The following FSTL5 variants were observed in gnomAD, a reference collection of about 807,000 sequenced individuals.
The protein encoded by FSTL5 is follistatin-related protein 5.
Under a neutral mutation model 89.1 loss-of-function variants are expected in FSTL5, and 62 were observed. The ratio of observed to expected loss-of-function variants is 0.70; its 90% CI spans 0.57 to 0.86. The LOEUF is 0.86. Among genes scored for constraint, FSTL5 ranks in the 40% least tolerant of loss-of-function variants. FSTL5 has a pLI of 0.00. For synonymous variants in FSTL5, 383 were observed against 346.2 expected (o/e 1.11, Z -1.18); for missense variants, 1,057 against 1,001.6 (o/e 1.06, Z -0.75).
At chr4:161,963,088 A>G (rs1040121843) in intron 3 of FSTL5, among the ~76,000 whole-genome samples, 4 of 151,980 alleles carry the variant, frequency 2.6e-5, no homozygotes, top group African/African-American at 9.7e-5. Flanking sequence ...GATTTGCTAT[A>G]AATTTAAATA....
chr4:161,768,948 C>A (rs1741111670), intron 5 of FSTL5, among the ~76,000 whole-genome samples: 1 of 151,472 alleles, frequency 6.6e-6, no homozygotes, highest in Non-Finnish European at 1.5e-5. Context: ...AACCTTTAGC[C>A]AGATTAAGGT....
intron 15 of FSTL5, among the ~76,000 whole-genome samples, chr4:161,396,817 G>A (rs901642151): frequency 6.6e-6 from 1 of 151,712 alleles, no homozygotes; most frequent in Admixed American, 6.6e-5. Context: ...CTTTAAACAT[G>A]AGAGTTGTTG....
intron 15 of FSTL5, among the ~76,000 whole-genome samples, chr4:161,430,243 T>C (rs1732311363): frequency 6.6e-6 from 1 of 151,942 alleles, no homozygotes; most frequent in African/African-American, 2.4e-5. Context: ...CTACGAGATC[T>C]AGGAAATATC....
rs572076479 is a variant in FSTL5, at chr4:161,945,036, A to G, written c.161-24384T>C. Reference sequence around the variant, plus strand: ...ATACATGACAGCAGAAGATTCATACAGTAAGTGTTTTATTATCTCAGGTAG... The same window carrying G: ...ATACATGACAGCAGAAGATTCATACGGTAAGTGTTTTATTATCTCAGGTAG... On this transcript the variant is annotated intron_variant, in intron 3 of 15. Transcript: ENST00000306100. 1.4e-4 allele frequency among the ~76,000 whole-genome samples: 22 copies of G among 152,248 alleles called. 1 individual carries two copies. The South Asian group carries it at 4.6e-3, about 32-fold the overall frequency.
intron 1 of FSTL5, among the ~76,000 whole-genome samples, chr4:162,136,164 GAAAT>G (rs1387408685): frequency 3.3e-5 from 5 of 151,810 alleles, no homozygotes; most frequent in African/African-American, 7.3e-5. Context: ...CCCCCAGCAA[GAAAT>G]AAATAAAAAT....
At chr4:161,737,284 AG>A (rs906976167) in intron 6 of FSTL5, among the ~76,000 whole-genome samples, 41 of 152,172 alleles carry the variant, frequency 2.7e-4, no homozygotes, top group African/African-American at 8.4e-4. Flanking sequence ...TGGAGAGGAA[AG>A]GGAAATAAAA....
intron 4 of FSTL5, among the ~76,000 whole-genome samples, chr4:161,883,096 A>G (rs1197305725): frequency 6.6e-6 from 1 of 152,196 alleles, no homozygotes; most frequent in East Asian, 1.9e-4. Context: ...ACCATATAGT[A>G]TTCTGGGAAG....
At chr4:161,767,408 C>A (rs716917) in intron 5 of FSTL5, among the ~76,000 whole-genome samples, 1 of 151,918 alleles carries the variant, frequency 6.6e-6, no homozygotes, top group Admixed American at 6.6e-5. Context: ...ACACGTTTGT[C>A]GAGGCTTTTC....
At chr4:161,650,962 C>G (rs1235103822) in intron 7 of FSTL5, among the ~76,000 whole-genome samples, 1 of 152,148 alleles carries the variant, frequency 6.6e-6, no homozygotes, top group South Asian at 2.1e-4. Flanking sequence ...TTCTCGGTCA[C>G]GTTAACACAT....
chr4:161,409,772 A>C (rs141942001), intron 15 of FSTL5, among the ~76,000 whole-genome samples: 1 of 152,238 alleles, frequency 6.6e-6, no homozygotes, highest in African/African-American at 2.4e-5. Flanking sequence ...CCACAAAAGC[A>C]CACATGAACA....
intron 4 of FSTL5, among the ~76,000 whole-genome samples, chr4:161,854,869 A>G (rs1344817288): frequency 6.6e-6 from 1 of 152,020 alleles, no homozygotes; most frequent in Non-Finnish European, 1.5e-5. Context: ...CCCAAATTAA[A>G]AAGATTTTAA....
intron 8 of FSTL5, among the ~76,000 whole-genome samples, chr4:161,559,283 T>C (rs1329856604): frequency 6.6e-6 from 1 of 151,832 alleles, no homozygotes; most frequent in African/African-American, 2.4e-5. Flanking sequence ...ACTCTTAACT[T>C]TCTGATGACT....
intron 7 of FSTL5, among the ~76,000 whole-genome samples, chr4:161,653,323 T>C (rs1282214209): frequency 2.0e-5 from 3 of 152,148 alleles, no homozygotes; most frequent in East Asian, 1.9e-4. Context: ...TTGAAAATAG[T>C]ATCCTCTGTC....
At chr4:161,783,434 G>A (rs1252734742) in intron 4 of FSTL5, among the ~76,000 whole-genome samples, 5 of 151,702 alleles carry the variant, frequency 3.3e-5, no homozygotes, top group South Asian at 2.1e-4. Flanking sequence ...AAGGCCTTCC[G>A]TCTTCTCACA....
chr4:161,981,532 A>G (rs1034850683), intron 3 of FSTL5, among the ~76,000 whole-genome samples: 2 of 152,156 alleles, frequency 1.3e-5, no homozygotes, highest in Non-Finnish European at 1.5e-5. Context: ...TTTGAAATTG[A>G]CATGTATATT....
chr4:161,956,462 G>T (rs1362998540), intron 3 of FSTL5, among the ~76,000 whole-genome samples: 1 of 151,810 alleles, frequency 6.6e-6, no homozygotes, highest in Non-Finnish European at 1.5e-5. Context: ...AATACTGAGA[G>T]ATTTGACTAC....
Position 161,510,313 on chromosome 4 carries a change from GTAAT to G in FSTL5, c.1339+81_1339+84del, listed in dbSNP as rs1730610043. On this transcript the variant is annotated intron_variant, in intron 11 of 15. Transcript: ENST00000306100. ...ATATTGAATCAAAATGAAAAAGAAG[GTAAT>G]TAATGATACAAAATATAATCAACAA... is the stretch of plus-strand genomic sequence containing the variant. 2.1e-5 allele frequency: 17 copies of G among 807,820 alleles called. No individual in the cohort carries two copies. In the South Asian group the frequency reaches 2.8e-4, roughly 13 times the overall value. The allele number at this position is 807,820 out of a possible 1,614,324, so 50.0% of individuals were successfully genotyped here.
chr4:162,053,997 A>T (rs902196453), intron 2 of FSTL5, among the ~76,000 whole-genome samples: 3 of 151,782 alleles, frequency 2.0e-5, no homozygotes, highest in African/African-American at 7.2e-5. Context: ...ATAAAACCCA[A>T]AGTAAAATAT....
intron 15 of FSTL5, among the ~76,000 whole-genome samples, chr4:161,420,182 A>C (rs1340293465): frequency 6.6e-6 from 1 of 152,248 alleles, no homozygotes; most frequent in Non-Finnish European, 1.5e-5. Flanking sequence ...ACTCTCCAGG[A>C]ACCAAAGTTT....
Sources: gnomAD v4.1 joint callset for allele counts (sites outside exome capture counted in the v4.1 genomes callset) on GRCh38, gnomAD v4.1.1 for gene constraint, MANE v1.5 for transcripts, NCBI Gene and HGNC (gene_info 2026-07-23, HGNC 2026-07-21) for gene names.